Variants in SLC26A7 observed in about 807,000 individuals in gnomAD.
The protein encoded by SLC26A7 is solute carrier family 26 member 7.
Under a neutral mutation model 82.5 loss-of-function variants are expected in SLC26A7, and 59 were observed. The observed-to-expected ratio is 0.72, with a 90% CI of 0.58 to 0.89. The LOEUF is 0.89. SLC26A7 is among the 40% of genes least tolerant of loss of function. The probability of loss-of-function intolerance (pLI) is 0.00; values close to 1 mark genes in which losing one functional copy is unlikely to be tolerated. For missense variants in SLC26A7, 820 were observed against 793.0 expected, an observed-to-expected ratio of 1.03 and a Z score of -0.41; for synonymous variants, 271 against 274.3, an observed-to-expected ratio of 0.99 and a Z score of 0.12.
upstream of SLC26A7, among the ~76,000 whole-genome samples, chr8:91,248,257 G>A (rs928180045): frequency 6.6e-6 from 1 of 151,984 alleles, no homozygotes; most frequent in African/African-American, 2.4e-5. Context: ...CTCTTCGTTG[G>A]ATTTAAAAAG....
At chr8:91,384,496 C>T (rs560401227) in intron 15 of SLC26A7, among the ~76,000 whole-genome samples, 7 of 152,250 alleles carry the variant, frequency 4.6e-5, no homozygotes, top group East Asian at 1.9e-4. Flanking sequence ...GCAACATATT[C>T]GCAGTTTCTG....
chr8:91,366,681 A>G lies in SLC26A7; in HGVS notation c.1590A>G (p.Glu530=). Residue 530 remains glutamate, a synonymous_variant, in exon 14 of 19, where the codon GAA becomes GAG. Coordinates refer to ENST00000276609, the MANE Select transcript of SLC26A7 (RefSeq NM_052832.4). ...ATTTAATGAACATGATCCAAAAGGA[A>G]AATGCCTGTAATCAGCCACTTGATG... ...YTDLMNMIQK[E]NACNQPLDDI... is the part of the protein sequence containing the mutation. 6.2e-7 allele frequency: 1 copy of G among 1,613,268 alleles called. No individual in the cohort carries two copies. The highest frequency in any genetic ancestry group is 8.5e-7 in the Non-Finnish European group (1 of 1,179,792).
At chr8:91,350,502 G>T (rs905566789) in intron 9 of SLC26A7, among the ~76,000 whole-genome samples, 1 of 151,718 alleles carries the variant, frequency 6.6e-6, no homozygotes, top group Non-Finnish European at 1.5e-5. Flanking sequence ...ACCCTAAAAA[G>T]TTTTCTCATA....
chr8:91,386,444 G>A (rs774681156), intron 15 of SLC26A7, among the ~76,000 whole-genome samples: 2 of 151,970 alleles, frequency 1.3e-5, no homozygotes, highest in East Asian at 3.9e-4. Context: ...TATAAAAGAG[G>A]TATCATTTGG....
At chr8:91,271,885 C>T (rs1250774857) in intron 2 of SLC26A7, among the ~76,000 whole-genome samples, 11 of 152,164 alleles carry the variant, frequency 7.2e-5, no homozygotes. Flanking sequence ...TGAGCCACAG[C>T]GCCCGGCCGA....
chr8:91,334,512 C>G (rs889124464), intron 6 of SLC26A7, 65 bp downstream of exon 6: 2 of 1,431,730 alleles, frequency 1.4e-6, no homozygotes, highest in African/African-American at 2.8e-5. Flanking sequence ...GGGAGATCTG[C>G]AGATGCTTAC....
intron 14 of SLC26A7, among the ~76,000 whole-genome samples, chr8:91,368,986 T>G (rs1814278848): frequency 6.6e-6 from 1 of 152,208 alleles, no homozygotes; most frequent in East Asian, 1.9e-4. Context: ...ACGGGCTCTC[T>G]AGTCAGCCTT....
chr8:91,239,420 A>G (rs1408013563), intron 2 of SLC26A7, among the ~76,000 whole-genome samples: 6 of 133,304 alleles, frequency 4.5e-5, no homozygotes, highest in Non-Finnish European at 1.7e-5. Context: ...ATGTATATGT[A>G]TATATATGTA....
chr8:91,386,294 A>C (rs1243745447), intron 15 of SLC26A7, among the ~76,000 whole-genome samples: 1 of 152,178 alleles, frequency 6.6e-6, no homozygotes, highest in Admixed American at 6.5e-5. Context: ...GTAGTAAATA[A>C]ATAATAAGGC....
intron 2 of SLC26A7, among the ~76,000 whole-genome samples, chr8:91,222,785 A>G (rs1810178791): frequency 6.6e-6 from 1 of 151,862 alleles, no homozygotes; most frequent in African/African-American, 2.4e-5. Context: ...TTTCGCATCC[A>G]TGTTCATCAG....
intron 2 of SLC26A7, among the ~76,000 whole-genome samples, chr8:91,257,712 T>A (rs1810843824): frequency 6.6e-6 from 1 of 152,118 alleles, no homozygotes; most frequent in Non-Finnish European, 1.5e-5. Context: ...AGCTAATCCA[T>A]TTTATTTTTT....
intron 2 of SLC26A7, among the ~76,000 whole-genome samples, chr8:91,224,354 G>T (rs959205413): frequency 4.6e-5 from 7 of 152,054 alleles, no homozygotes; most frequent in African/African-American, 1.7e-4. Flanking sequence ...CCTTGGATGG[G>T]GTTTTTTTGT....
At chr8:91,311,489 T>C (rs755670743) in intron 4 of SLC26A7, among the ~76,000 whole-genome samples, 2 of 151,996 alleles carry the variant, frequency 1.3e-5, no homozygotes, top group Non-Finnish European at 2.9e-5. Flanking sequence ...TGGAAAAATA[T>C]ACAAGCACAC....
At position 91,332,321 on chromosome 8, in the gene SLC26A7, AT is replaced by A. The variant is rs1268950949; in HGVS notation, c.643-1973del. Among the ~76,000 whole-genome samples the A allele has an allele frequency of 1.5e-3, 216 of 142,000 alleles. 2 individuals are homozygous for A. Among genetic ancestry groups the A allele is most frequent in the African/African-American group, 5.4e-3 (209 of 39,038 alleles). The allele number at this position is 142,000 out of a possible 152,430, so 93.2% of individuals were successfully genotyped here. On this transcript the variant is annotated intron_variant, in intron 5 of 18. Transcript: ENST00000276609. ...TTATATAGATAAATTATATAATTATATAATTTATATATTATATATAATATAT... is the reference window on the plus strand; with the variant it reads ...TTATATAGATAAATTATATAATTATAAATTTATATATTATATATAATATAT...
At chr8:91,351,530 T>TG (rs1261810200) in intron 9 of SLC26A7, among the ~76,000 whole-genome samples, 10 of 152,294 alleles carry the variant, frequency 6.6e-5, no homozygotes, top group African/African-American at 1.9e-4. Flanking sequence ...ATCACTGTGA[T>TG]TGTGATAAAA....
chr8:91,317,255 A>G (rs927759997), intron 4 of SLC26A7, among the ~76,000 whole-genome samples: 3 of 152,102 alleles, frequency 2.0e-5, no homozygotes, highest in African/African-American at 4.8e-5. Flanking sequence ...GCTTCTACAT[A>G]GAGATGATGA....
chr8:91,223,318 G>A (rs972803880), intron 2 of SLC26A7, among the ~76,000 whole-genome samples: 11 of 151,882 alleles, frequency 7.2e-5, no homozygotes, highest in Non-Finnish European at 1.0e-4. Flanking sequence ...GGTTTTTCAT[G>A]TCTCTAATTC....
intron 2 of SLC26A7, among the ~76,000 whole-genome samples, chr8:91,239,395 AATATATAT>A (rs1554600120): frequency 6.3e-5 from 6 of 94,852 alleles, no homozygotes; most frequent in African/African-American, 2.1e-4. Context: ...AAAAAAAAAA[AATATATAT>A]ATATATATGT....
intron 16 of SLC26A7, among the ~76,000 whole-genome samples, chr8:91,393,205 C>T (rs748595052): frequency 1.2e-4 from 18 of 152,038 alleles, no homozygotes; most frequent in Non-Finnish European, 1.9e-4. Context: ...AAGATCAGAG[C>T]CTTTAATAAG....
Sources: gnomAD v4.1 joint callset for allele counts (sites outside exome capture counted in the v4.1 genomes callset) on GRCh38, gnomAD v4.1.1 for gene constraint, MANE v1.5 for transcripts, NCBI Gene and HGNC (gene_info 2026-07-23, HGNC 2026-07-21) for gene names.